Variants in RMND1 observed in about 807,000 individuals in gnomAD.
RMND1 encodes the protein required for meiotic nuclear division 1 homolog.
Under a neutral mutation model 54.0 loss-of-function variants are expected in RMND1, and 41 were observed. That is an observed-to-expected ratio of 0.76 (90% CI 0.59 to 0.98). The LOEUF is 0.98. Among genes scored for constraint, RMND1 ranks in the 50% least tolerant of loss-of-function variants. RMND1 has a pLI of 0.00. For missense variants in RMND1, 457 were observed against 532.0 expected, an observed-to-expected ratio of 0.86 and a Z score of 1.39; for synonymous variants, 183 against 181.7, an observed-to-expected ratio of 1.01 and a Z score of -0.06.
intron 2 of RMND1, 64 bp downstream of exon 2, chr6:151,445,244 C>G: frequency 6.6e-7 from 1 of 1,519,962 alleles, no homozygotes; most frequent in Admixed American, 2.2e-5. Context: ...TGGGGTGCAA[C>G]GCACACTGGT....
At chr6:151,429,156 C>T (rs183427898) in intron 5 of RMND1, among the ~76,000 whole-genome samples, 13 of 149,298 alleles carry the variant, frequency 8.7e-5, no homozygotes, top group African/African-American at 3.2e-4. Flanking sequence ...GAGTATGCCT[C>T]TGTCTCCCAG....
intron 9 of RMND1, 82 bp from the exon 10 acceptor site, chr6:151,417,481 CT>C: frequency 8.3e-7 from 1 of 1,199,604 alleles, no homozygotes; most frequent in Non-Finnish European, 1.1e-6. Context: ...TTACATAGTG[CT>C]TTATGAAAAC....
rs1391272830 is a variant in RMND1, at chr6:151,405,248, C to T, written c.1337G>A (p.Arg446Gln). ...ITIEVMFELG[R>Q]VFF The stretch of plus-strand genomic sequence containing the variant: ...GTTATCACTTGATCAGAAAAATACT[C>T]GTCCCAGCTCAAACATTACCTTAGA... The change falls in exon 12 of 12, where the codon CGA becomes CAA. Residue 446 changes from arginine (R) to glutamine (Q), a missense_variant. Transcript: ENST00000444024. 11 of 1,612,698 alleles carry T rather than the reference C, an allele frequency of 6.8e-6. No individual in the cohort carries two copies. The highest frequency in any genetic ancestry group is 2.7e-5 in the African/African-American group (2 of 74,856).
At position 151,434,667 on chromosome 6, in the gene RMND1, AAACG is replaced by A. The variant is rs563020608; in HGVS notation, c.614-1441_614-1438del. ...GCTTGTTTTTGTCACCTAATCACAC[AAACG>A]GTCTGTTTGGATTATCACAATGATA... On this transcript the variant is annotated intron_variant, in intron 3 of 11. Coordinates refer to ENST00000444024, the MANE Select transcript of RMND1 (RefSeq NM_017909.4). 2.6e-3 allele frequency among the ~76,000 whole-genome samples: 397 copies of A among 152,208 alleles called. 2 individuals are homozygous for A. Among genetic ancestry groups the A allele is most frequent in the African/African-American group, 9.1e-3 (378 of 41,514 alleles).
At chr6:151,444,056 A>G (rs1263449603) in intron 2 of RMND1, among the ~76,000 whole-genome samples, 1 of 152,262 alleles carries the variant, frequency 6.6e-6, no homozygotes, top group Admixed American at 6.5e-5. Flanking sequence ...AATCTAAAGA[A>G]AAATAGATAC....
chr6:151,410,210 A>T (rs565167910), intron 10 of RMND1, among the ~76,000 whole-genome samples: 6 of 151,786 alleles, frequency 4.0e-5, no homozygotes, highest in Non-Finnish European at 7.4e-5. Flanking sequence ...GCCCGCCACC[A>T]CGCCCAGCTA....
chr6:151,412,478 G>C (rs900188537), intron 10 of RMND1, among the ~76,000 whole-genome samples: 3 of 152,128 alleles, frequency 2.0e-5, no homozygotes, highest in African/African-American at 7.2e-5. Flanking sequence ...TTAACAAAGA[G>C]AGCACAGCAA....
chr6:151,449,230 G>A (rs1230401040), intron 1 of RMND1, among the ~76,000 whole-genome samples: 5 of 151,898 alleles, frequency 3.3e-5, no homozygotes, highest in African/African-American at 7.3e-5. Flanking sequence ...TTAGCTGAGC[G>A]TGGCGGCGGG....
rs1582955567 is a variant in RMND1, at chr6:151,427,658, T to C, written c.730-76A>G. Reference sequence around the variant, plus strand: ...AAGTATGTTATGATTTTAATGCTTATAACAGTCTTCATTACACTTACAGGC... The same window carrying C: ...AAGTATGTTATGATTTTAATGCTTACAACAGTCTTCATTACACTTACAGGC... On this transcript the variant is annotated intron_variant, in intron 5 of 11. Transcript: ENST00000444024. 4 of 923,150 alleles carry C rather than the reference T, an allele frequency of 4.3e-6. No homozygotes were observed. In the East Asian group the frequency reaches 1.0e-4, roughly 24 times the overall value. 57.2% of individuals were successfully genotyped at this position (923,150 alleles called of 1,614,324 possible). A position where few individuals can be genotyped will look rare whatever the true frequency, so the allele number is the denominator to read the frequency against.
chr6:151,418,197 C>T (rs894665035), intron 9 of RMND1, among the ~76,000 whole-genome samples: 3 of 152,054 alleles, frequency 2.0e-5, no homozygotes, highest in African/African-American at 7.2e-5. Context: ...GCAGATTGCT[C>T]GAGTCTGTGA....
At chr6:151,412,225 C>T (rs1018660669) in intron 10 of RMND1, among the ~76,000 whole-genome samples, 2 of 152,214 alleles carry the variant, frequency 1.3e-5, no homozygotes. Flanking sequence ...TGGCCTTGAA[C>T]TCCTGACCTC....
chr6:151,445,246 CA>C, intron 2 of RMND1, 61 bp downstream of exon 2: 1 of 1,526,818 alleles, frequency 6.5e-7, no homozygotes, highest in Non-Finnish European at 8.8e-7. Context: ...GGGTGCAACG[CA>C]CACTGGTTTA....
chr6:151,425,832 G>A (rs572587486), intron 6 of RMND1, among the ~76,000 whole-genome samples: 3 of 152,142 alleles, frequency 2.0e-5, no homozygotes, highest in African/African-American at 4.8e-5. Flanking sequence ...TTAGAAAACC[G>A]TGACTGGCCC....
At chr6:151,406,308 CAAAGAAAAT>C (rs1319990352) in intron 10 of RMND1, among the ~76,000 whole-genome samples, 1 of 152,014 alleles carries the variant, frequency 6.6e-6, no homozygotes, top group Non-Finnish European at 1.5e-5. Context: ...TGTGGGGGTT[CAAAGAAAAT>C]AAAGTCCCTG....
intron 1 of RMND1, among the ~76,000 whole-genome samples, chr6:151,447,398 G>A (rs2114974122): frequency 6.6e-6 from 1 of 152,256 alleles, no homozygotes; most frequent in East Asian, 1.9e-4. Flanking sequence ...CTTTCTACAT[G>A]CTAAGTGCTC....
intron 2 of RMND1, among the ~76,000 whole-genome samples, chr6:151,443,530 C>T (rs7748785): frequency 0.084 from 12,705 of 152,102 alleles, 719 homozygotes; most frequent in East Asian, 0.15. Context: ...AGGCTGGTCT[C>T]GAACTCCTGA....
rs555440014 is a variant in RMND1, at chr6:151,427,872, A to C, written c.730-290T>G. On this transcript the variant is annotated intron_variant, in intron 5 of 11. Transcript: ENST00000444024. ...AGTAATATTATAATTTGTATTCTTT[A>C]AATCTCTTTAATAATCCCAGCATTT... Among the ~76,000 whole-genome samples the C allele has an allele frequency of 7.2e-5, 11 of 152,242 alleles. No homozygotes were observed. The South Asian group carries it at 2.3e-3, about 32-fold the overall frequency.
chr6:151,450,469 C>T (rs1781124858), intron 1 of RMND1, among the ~76,000 whole-genome samples: 1 of 120,856 alleles, frequency 8.3e-6, no homozygotes, highest in Non-Finnish European at 1.8e-5. Flanking sequence ...CAGCCCCCGT[C>T]CGGGAGGAAG....
At chr6:151,410,655 T>A (rs778621235) in intron 10 of RMND1, among the ~76,000 whole-genome samples, 1 of 152,170 alleles carries the variant, frequency 6.6e-6, no homozygotes, top group Admixed American at 6.5e-5. Flanking sequence ...AAAGAACAAT[T>A]ACTTGCTCAG....
Sources: allele counts gnomAD v4.1 joint callset (sites outside exome capture counted in the v4.1 genomes callset), GRCh38; gene constraint gnomAD v4.1.1; transcripts MANE v1.5; gene names NCBI Gene and HGNC (gene_info 2026-07-23, HGNC 2026-07-21).